The following ARHGAP44 variants were observed in gnomAD, a reference collection of about 807,000 sequenced individuals.
The protein encoded by ARHGAP44 is rho GTPase-activating protein 44.
Under a neutral mutation model 106.8 loss-of-function variants are expected in ARHGAP44, and 43 were observed. The ratio of observed to expected loss-of-function variants is 0.40; its 90% CI spans 0.32 to 0.52. The LOEUF is 0.52. Among genes scored for constraint, ARHGAP44 ranks in the 20% least tolerant of loss-of-function variants. The pLI, the probability that ARHGAP44 is intolerant of heterozygous loss-of-function variation, is 0.48. For missense variants in ARHGAP44, 866 were observed against 1,050.5 expected, an observed-to-expected ratio of 0.82 and a Z score of 2.43; for synonymous variants, 439 against 410.3, an observed-to-expected ratio of 1.07 and a Z score of -0.85.
chr17:12,938,676 C>T (rs995463098), intron 7 of ARHGAP44, among the ~76,000 whole-genome samples: 1 of 150,038 alleles, frequency 6.7e-6, no homozygotes, highest in African/African-American at 2.5e-5. Context: ...GTTGTAAAAT[C>T]AGAAAACAGG....
At chr17:12,970,389 GAAAA>G (rs1194915471) in intron 16 of ARHGAP44, among the ~76,000 whole-genome samples, 3 of 129,430 alleles carry the variant, frequency 2.3e-5, no homozygotes, top group African/African-American at 8.5e-5. Flanking sequence ...AAAAAAAAAA[GAAAA>G]AGAAGAGAAG....
chr17:12,831,582 T>C (rs1297410820), intron 1 of ARHGAP44, among the ~76,000 whole-genome samples: 1 of 151,420 alleles, frequency 6.6e-6, no homozygotes, highest in Non-Finnish European at 1.5e-5. Flanking sequence ...CTGTGTCTGT[T>C]TGCTGGCAAT....
intron 3 of ARHGAP44, among the ~76,000 whole-genome samples, chr17:12,903,050 A>G (rs2037420354): frequency 6.8e-6 from 1 of 146,656 alleles, no homozygotes; most frequent in Admixed American, 6.9e-5. Flanking sequence ...ATTAGAGGAC[A>G]GTAGACAAGA....
chr17:12,915,822 A>G, intron 4 of ARHGAP44, 78 bp from the exon 5 acceptor site: 1 of 1,248,666 alleles, frequency 8.0e-7, no homozygotes, highest in Non-Finnish European at 1.1e-6. Context: ...CAAGTGAGCC[A>G]GGAGGTGAGG....
At chr17:12,973,252 G>A in intron 16 of ARHGAP44, 50 bp from the exon 17 acceptor site, 3 of 1,583,470 alleles carry the variant, frequency 1.9e-6, no homozygotes, top group Non-Finnish European at 2.6e-6. Context: ...ATGTCCAAAG[G>A]AAGGCCTAGA....
rs185743442 is a variant in ARHGAP44 at position 12,983,380 on chromosome 17, G to A, written c.1940-1151G>A. Among the ~76,000 whole-genome samples the A allele has an allele frequency of 2.4e-3, 368 of 151,872 alleles. 3 individuals carry two copies. The highest frequency in any genetic ancestry group is 8.4e-3 in the African/African-American group (346 of 41,424). ...TTTGCCCATCAAGTATCTCCTGGAC[G>A]TTTGAATTTATTGTCTTTACCAATT... On this transcript the variant is annotated intron_variant, in intron 19 of 20. Transcript: ENST00000379672.
At chr17:12,811,306 CCTT>C (rs1016398762) in intron 1 of ARHGAP44, among the ~76,000 whole-genome samples, 2 of 143,028 alleles carry the variant, frequency 1.4e-5, no homozygotes, top group African/African-American at 5.6e-5. Flanking sequence ...GAGTGAGACT[CCTT>C]CTCAAAAAAA....
intron 16 of ARHGAP44, among the ~76,000 whole-genome samples, chr17:12,969,063 C>T (rs189781864): frequency 6.6e-6 from 1 of 152,146 alleles, no homozygotes; most frequent in African/African-American, 2.4e-5. Context: ...GCCACTGCAC[C>T]TGGCCTCCCT....
chr17:12,792,983 C>G (rs1376373970), intron 1 of ARHGAP44, among the ~76,000 whole-genome samples: 2 of 152,138 alleles, frequency 1.3e-5, no homozygotes, highest in Admixed American at 1.3e-4. Context: ...TTGAACTTTC[C>G]CCTTTCTGTC....
At chr17:12,820,707 C>T (rs2034743971) in intron 1 of ARHGAP44, among the ~76,000 whole-genome samples, 1 of 152,084 alleles carries the variant, frequency 6.6e-6, no homozygotes, top group Non-Finnish European at 1.5e-5. Context: ...GAAGGTTTCT[C>T]AAGAAGACAT....
intron 16 of ARHGAP44, among the ~76,000 whole-genome samples, chr17:12,969,942 G>T (rs2143294135): frequency 6.6e-6 from 1 of 152,280 alleles, no homozygotes. Context: ...GGTCGTTCTA[G>T]AACCTATTCC....
chr17:12,964,196 G>A (rs183513041), intron 16 of ARHGAP44, among the ~76,000 whole-genome samples: 387 of 152,300 alleles, frequency 2.5e-3, no homozygotes, highest in African/African-American at 9.0e-3. Context: ...TGAAATTTGT[G>A]TGTTAGGTCA....
chr17:12,964,765 C>T (rs1054366891), intron 16 of ARHGAP44, among the ~76,000 whole-genome samples: 7 of 151,978 alleles, frequency 4.6e-5, no homozygotes, highest in South Asian at 2.1e-4. Flanking sequence ...CCAGCCTGGG[C>T]GACAGAGTGA....
intron 3 of ARHGAP44, among the ~76,000 whole-genome samples, chr17:12,898,247 T>G (rs1024064275): frequency 1.3e-5 from 2 of 152,116 alleles, no homozygotes; most frequent in African/African-American, 4.8e-5. Context: ...CAAGGGTGAT[T>G]AGGGCAGATG....
Position 12,949,593 on chromosome 17 carries a change from G to A in ARHGAP44, c.974-56G>A. 2 of 1,546,396 alleles carry A rather than the reference G, an allele frequency of 1.3e-6. No homozygotes were observed. Among genetic ancestry groups the A allele is most frequent in the Middle Eastern group, 3.4e-4 (2 of 5,898 alleles). ...CCCACATAGGCAGTGCTGGCTGGTGGGTCTTGCCTCTGCCACATCATAACA... is the reference window on the plus strand; with the variant it reads ...CCCACATAGGCAGTGCTGGCTGGTGAGTCTTGCCTCTGCCACATCATAACA... On this transcript the variant is annotated intron_variant, in intron 11 of 20. Transcript: ENST00000379672. This position sits in a 1 kb window ranked among gnomAD's most constrained non-coding sequence, Gnocchi z 4.1.
chr17:12,940,841 A>G lies in ARHGAP44; in HGVS notation c.583-215A>G, dbSNP rs150346341. On this transcript the variant is annotated intron_variant, in intron 7 of 20. Coordinates refer to ENST00000379672, the MANE Select transcript of ARHGAP44 (RefSeq NM_014859.6). ...TCCAAATGTCAAAATCTCTGGGGAA[A>G]TGACTGACATAGGTGTTCTTTTCAA... Among the ~76,000 whole-genome samples, 376 of 152,364 alleles carry G rather than the reference A, an allele frequency of 2.5e-3. 1 individual carries two copies. The highest frequency in any genetic ancestry group is 7.6e-3 in the African/African-American group (316 of 41,570).
At chr17:12,977,417 GTTCCCACC>G (rs1379029056) in intron 18 of ARHGAP44, among the ~76,000 whole-genome samples, 1 of 151,940 alleles carries the variant, frequency 6.6e-6, no homozygotes, top group Non-Finnish European at 1.5e-5. Flanking sequence ...CCTCTGACTG[GTTCCCACC>G]TTCCCACTCC....
At chr17:12,860,723 C>A (rs2036045226) in intron 1 of ARHGAP44, among the ~76,000 whole-genome samples, 1 of 152,112 alleles carries the variant, frequency 6.6e-6, no homozygotes, top group Non-Finnish European at 1.5e-5. Context: ...ACTCTTGAGC[C>A]GTGTGGTGTA....
At chr17:12,917,535 T>C (rs1598051130) in intron 5 of ARHGAP44, among the ~76,000 whole-genome samples, 1 of 152,290 alleles carries the variant, frequency 6.6e-6, no homozygotes, top group Non-Finnish European at 1.5e-5. Flanking sequence ...GTGTTTCAGC[T>C]AATTGGATGG....
Sources: gnomAD v4.1 joint callset for allele counts (sites outside exome capture counted in the v4.1 genomes callset) on GRCh38, gnomAD v4.1.1 for gene constraint, Gnocchi (gnomAD v3.1) non-coding constraint, MANE v1.5 for transcripts, NCBI Gene and HGNC (gene_info 2026-07-23, HGNC 2026-07-21) for gene names.